Variants in STXBP6 observed in about 807,000 individuals in gnomAD.
STXBP6 encodes the protein syntaxin binding protein 6.
Under a neutral mutation model 26.9 loss-of-function variants are expected in STXBP6, and 21 were observed. The ratio of observed to expected loss-of-function variants is 0.78; its 90% CI spans 0.55 to 1.12. The LOEUF (loss-of-function observed/expected upper bound fraction) is 1.12. Among genes scored for constraint, STXBP6 ranks in the 50% most tolerant of loss-of-function variants. The probability of loss-of-function intolerance (pLI) is 0.00; values close to 1 mark genes in which losing one functional copy is unlikely to be tolerated. For missense variants in STXBP6, 232 were observed against 257.9 expected (o/e 0.90, Z 0.69); for synonymous variants, 97 against 92.6 (o/e 1.05, Z -0.27).
In STXBP6 at chr14:24,870,512, T is replaced by C. The variant is rs571885781; in HGVS notation, c.155-13355A>G. Among the ~76,000 whole-genome samples, 114 of 152,308 alleles carry C rather than the reference T, an allele frequency of 7.5e-4. 1 individual carries two copies. The South Asian group carries it at 0.019, about 26-fold the overall frequency. On this transcript the variant is annotated intron_variant, in intron 2 of 5. Coordinates refer to ENST00000323944, the MANE Select transcript of STXBP6 (RefSeq NM_001394410.1). ...CAAGACGTTTATTCTCCACTCCAAA[T>C]GTTACCTTTGGGCATGTTACCTTCT...
intron 4 of STXBP6, among the ~76,000 whole-genome samples, chr14:24,839,339 G>A (rs939856330): frequency 6.6e-6 from 1 of 151,436 alleles, no homozygotes; most frequent in African/African-American, 2.4e-5. Flanking sequence ...CAACTGGTTG[G>A]TACCAGCACA....
intron 2 of STXBP6, among the ~76,000 whole-genome samples, chr14:24,898,861 G>C (rs1054411984): frequency 6.6e-6 from 1 of 152,066 alleles, no homozygotes; most frequent in Non-Finnish European, 1.5e-5. Flanking sequence ...CAGACTCCTA[G>C]AAAAACCAGA....
intron 1 of STXBP6, among the ~76,000 whole-genome samples, chr14:25,030,185 A>G (rs2075426147): frequency 6.6e-6 from 1 of 152,254 alleles, no homozygotes; most frequent in Non-Finnish European, 1.5e-5. Context: ...GCAATTGGAT[A>G]GAGCAATTCA....
chr14:25,033,840 G>C (rs144744689), intron 1 of STXBP6, among the ~76,000 whole-genome samples: 4 of 152,108 alleles, frequency 2.6e-5, no homozygotes, highest in African/African-American at 9.7e-5. Flanking sequence ...CATGAAAATC[G>C]GTTACACACG....
At chr14:24,935,547 G>A (rs930885470) in intron 2 of STXBP6, among the ~76,000 whole-genome samples, 1 of 152,018 alleles carries the variant, frequency 6.6e-6, no homozygotes, top group African/African-American at 2.4e-5. Context: ...CCATGTTGTG[G>A]AGATATGTGT....
chr14:24,850,525 T>C (rs944411667), intron 4 of STXBP6, among the ~76,000 whole-genome samples: 6 of 152,132 alleles, frequency 3.9e-5, no homozygotes, highest in Admixed American at 3.9e-4. Context: ...ACAGCTAACA[T>C]TGAAATAAAA....
At chr14:25,030,964 T>C (rs1055135992) in intron 1 of STXBP6, among the ~76,000 whole-genome samples, 4 of 151,882 alleles carry the variant, frequency 2.6e-5, no homozygotes, top group Non-Finnish European at 4.4e-5. Flanking sequence ...ACACCTCTCA[T>C]AAAAACCAAG....
At chr14:24,813,013 C>A (rs1299735494) in intron 5 of STXBP6, among the ~76,000 whole-genome samples, 1 of 152,042 alleles carries the variant, frequency 6.6e-6, no homozygotes, top group East Asian at 1.9e-4. Context: ...CTACATCACA[C>A]TGAAGGAACA....
intron 2 of STXBP6, among the ~76,000 whole-genome samples, chr14:24,952,123 A>G (rs2073189786): frequency 6.6e-6 from 1 of 151,598 alleles, no homozygotes; most frequent in African/African-American, 2.4e-5. Context: ...AATAAATACA[A>G]TATGACTGTC....
chr14:24,962,911 A>C (rs1303583280), intron 2 of STXBP6, among the ~76,000 whole-genome samples: 1 of 138,524 alleles, frequency 7.2e-6, no homozygotes, highest in Non-Finnish European at 1.5e-5. Context: ...CCAGCAATAG[A>C]TGAATGATCA....
intron 2 of STXBP6, among the ~76,000 whole-genome samples, chr14:24,934,060 T>C (rs1382414797): frequency 3.3e-5 from 5 of 152,004 alleles, no homozygotes; most frequent in African/African-American, 9.7e-5. Context: ...GAGAAGAAGA[T>C]AGCAATGGAA....
intron 5 of STXBP6, 31 bp downstream of exon 5, chr14:24,819,006 A>C (rs71405872): frequency 0.059 from 90,955 of 1,539,496 alleles, 3,023 homozygotes; most frequent in African/African-American, 0.11. Flanking sequence ...AACACCCCAG[A>C]GCTGAGAAGC....
chr14:25,026,684 C>T (rs777515490), intron 1 of STXBP6, among the ~76,000 whole-genome samples: 7 of 152,170 alleles, frequency 4.6e-5, no homozygotes, highest in Non-Finnish European at 7.3e-5. Flanking sequence ...TTTCACATCC[C>T]TTTTCTTGTT....
intron 2 of STXBP6, among the ~76,000 whole-genome samples, chr14:24,879,161 C>A (rs1410991545): frequency 6.6e-6 from 1 of 152,094 alleles, no homozygotes; most frequent in Non-Finnish European, 1.5e-5. Context: ...AGGAACTTTC[C>A]ATCTACTGAA....
chr14:25,009,822 GTATGGAC>G (rs1279232882), intron 1 of STXBP6, among the ~76,000 whole-genome samples: 2 of 152,150 alleles, frequency 1.3e-5, no homozygotes, highest in African/African-American at 2.4e-5. Context: ...GACTGCCACT[GTATGGAC>G]TACAAATCAT....
chr14:24,923,612 A>G (rs1269904519), intron 2 of STXBP6, among the ~76,000 whole-genome samples: 1 of 152,166 alleles, frequency 6.6e-6, no homozygotes, highest in Non-Finnish European at 1.5e-5. Flanking sequence ...TTACACTACA[A>G]AACTTCAGAA....
rs1339770778 is a variant in STXBP6, at chr14:24,857,146, T to C, written c.166A>G (p.Lys56Glu). 1 of 1,612,728 alleles carries C rather than the reference T, an allele frequency of 6.2e-7. No homozygotes were observed. Among genetic ancestry groups the C allele is most frequent in the Non-Finnish European group, 8.5e-7 (1 of 1,179,150 alleles). ...TTTGTGATGGACGCCTGTGTGGGTT[T>C]CTTGTTTGTCACTGCCAAGAAAAGA... ...TYICLSVTNK[K>E]PTQASITKVK... The change falls in exon 3 of 6, where the codon AAA (lysine) becomes GAA (glutamate). Residue 56 changes from lysine (K) to glutamate (E), a missense_variant. By Grantham distance (56) the Lys-to-Glu change is moderately conservative. Coordinates refer to ENST00000323944, the MANE Select transcript of STXBP6 (RefSeq NM_001394410.1).
chr14:25,025,151 GC>G (rs2075327307), intron 1 of STXBP6, among the ~76,000 whole-genome samples: 1 of 151,948 alleles, frequency 6.6e-6, no homozygotes, highest in Non-Finnish European at 1.5e-5. Context: ...AGACAGATAG[GC>G]TTAACTCATG....
At chr14:24,821,401 G>T (rs3759643) in intron 4 of STXBP6, among the ~76,000 whole-genome samples, 27,702 of 152,128 alleles carry the variant, frequency 0.18, 4,158 homozygotes, top group African/African-American at 0.41. Flanking sequence ...TTGAAATTAA[G>T]CTTGCACGTG....
Sources: allele counts gnomAD v4.1 joint callset (sites outside exome capture counted in the v4.1 genomes callset), GRCh38; gene constraint gnomAD v4.1.1; transcripts MANE v1.5; gene names NCBI Gene and HGNC (gene_info 2026-07-23, HGNC 2026-07-21).